ADORA2B: variants seen among roughly 807,000 people sequenced by gnomAD.
ADORA2B encodes adenosine receptor A2b.
Under a neutral mutation model 20.8 loss-of-function variants are expected in ADORA2B, and 18 were observed. That is an observed-to-expected ratio of 0.87 (90% CI 0.60 to 1.29). ADORA2B has a LOEUF of 1.29. Among genes scored for constraint, ADORA2B ranks in the 50% most tolerant of loss-of-function variants. The pLI is 0.00. For synonymous variants in ADORA2B, 179 were observed against 178.3 expected (o/e 1.00, Z -0.03); for missense variants, 441 against 422.7 (o/e 1.04, Z -0.38).
the ADORA2B span, among the ~76,000 whole-genome samples, chr17:15,887,493 A>G: frequency 1.5e-5 from 2 of 130,698 alleles, 1 homozygote; most frequent in Non-Finnish European, 3.2e-5. Flanking sequence ...CTGATTGGAA[A>G]GGTGCTATGA....
chr17:15,968,373 CCT>C (rs755609911), intron 1 of ADORA2B, among the ~76,000 whole-genome samples: 14 of 152,180 alleles, frequency 9.2e-5, no homozygotes, highest in East Asian at 1.9e-4. Context: ...CAACCAACCC[CCT>C]GTGTGTACAT....
intron 1 of ADORA2B, among the ~76,000 whole-genome samples, chr17:15,954,817 G>A (rs1006826427): frequency 1.3e-5 from 2 of 152,154 alleles, no homozygotes; most frequent in Admixed American, 6.5e-5. Flanking sequence ...ATAGATTGTG[G>A]TTCGGAAGTG....
the ADORA2B span, among the ~76,000 whole-genome samples, chr17:15,865,001 A>G: frequency 4.0e-5 from 6 of 151,226 alleles, no homozygotes; most frequent in Admixed American, 1.3e-4. Context: ...CTTTTGCTAA[A>G]TTACACTCCC....
At chr17:15,974,407 T>C (rs1402438648) in intron 1 of ADORA2B, 2 of 405,300 alleles carry the variant, frequency 4.9e-6, no homozygotes, top group Non-Finnish European at 8.9e-6. Context: ...AGTACTCCCT[T>C]AAGGCTTCCC....
rs757726498 is a variant in ADORA2B at position 15,975,328 on chromosome 17, G to A, written c.985G>A (p.Gly329Ser). The change falls in exon 2 of 2, where the codon GGT becomes AGT. Residue 329 changes from glycine to serine, a missense_variant. Transcript: ENST00000304222. ...TCAGGCTGGGGTACAGCCTGCTCTCGGTGTGGGCCTATGATCTAGGCTCTC... is the reference window on the plus strand; with the variant it reads ...TCAGGCTGGGGTACAGCCTGCTCTCAGTGTGGGCCTATGATCTAGGCTCTC... ...NGQAGVQPAL[G>S]VGL 85 of 1,611,300 alleles carry A rather than the reference G, an allele frequency of 5.3e-5. No homozygotes were observed. Among genetic ancestry groups the A allele is most frequent in the Non-Finnish European group, 6.3e-5 (74 of 1,179,676 alleles).
At chr17:15,904,497 C>T in the ADORA2B span, among the ~76,000 whole-genome samples, 1 of 150,878 alleles carries the variant, frequency 6.6e-6, no homozygotes, top group Non-Finnish European at 1.5e-5. Context: ...ATGCCATTCT[C>T]CTGCCTCAGC....
the ADORA2B span, among the ~76,000 whole-genome samples, chr17:15,879,739 A>G: frequency 6.7e-5 from 10 of 150,038 alleles, no homozygotes; most frequent in Admixed American, 1.3e-4. Context: ...GGGTTTCACC[A>G]TGTTAGCCAG....
chr17:15,964,616 A>C (rs1469063715), intron 1 of ADORA2B, among the ~76,000 whole-genome samples: 1 of 117,984 alleles, frequency 8.5e-6, no homozygotes, highest in Non-Finnish European at 1.6e-5. Context: ...ACTCTGTCTC[A>C]AAAAAAAAAA....
the ADORA2B span, among the ~76,000 whole-genome samples, chr17:15,897,963 CAAAA>C: frequency 2.0e-5 from 3 of 152,238 alleles, no homozygotes; most frequent in African/African-American, 7.2e-5. Flanking sequence ...AAAACTTACT[CAAAA>C]AGAAGTAAAA....
the ADORA2B span, among the ~76,000 whole-genome samples, chr17:15,875,529 T>A: frequency 2.6e-5 from 4 of 152,252 alleles, no homozygotes; most frequent in Non-Finnish European, 5.9e-5. Context: ...CTTTTTCTTT[T>A]ACACAACCTT....
the ADORA2B span, among the ~76,000 whole-genome samples, chr17:15,931,221 C>T: frequency 2.6e-5 from 4 of 152,174 alleles, no homozygotes; most frequent in Admixed American, 2.0e-4. Context: ...GATGTAATGT[C>T]TATGTTATTC....
chr17:15,872,139 G>T, the ADORA2B span, among the ~76,000 whole-genome samples: 1 of 152,144 alleles, frequency 6.6e-6, no homozygotes, highest in Non-Finnish European at 1.5e-5. Context: ...AATAGAGAGT[G>T]GGGTGGCTGC....
the ADORA2B span, among the ~76,000 whole-genome samples, chr17:15,855,545 GAAT>G: frequency 6.6e-6 from 1 of 151,402 alleles, no homozygotes; most frequent in Admixed American, 6.6e-5. Flanking sequence ...GGTTTTCCTT[GAAT>G]AATATCACTC....
the ADORA2B span, among the ~76,000 whole-genome samples, chr17:15,886,691 A>T: frequency 2.3e-5 from 3 of 130,800 alleles, 1 homozygote; most frequent in Non-Finnish European, 4.9e-5. Context: ...AGCAAACTTA[A>T]CAGAAAGGCA....
the ADORA2B span, among the ~76,000 whole-genome samples, chr17:15,869,776 A>G: frequency 6.6e-6 from 1 of 152,200 alleles, no homozygotes; most frequent in Non-Finnish European, 1.5e-5. Context: ...TACACACATA[A>G]AAGAGTGATA....
At chr17:15,853,758 C>A in the ADORA2B span, among the ~76,000 whole-genome samples, 5 of 152,276 alleles carry the variant, frequency 3.3e-5, no homozygotes, top group Non-Finnish European at 4.4e-5. Context: ...TATATTCATA[C>A]AGAGACTAGA....
At chr17:15,945,677 A>C in intron 1 of ADORA2B, 94 bp downstream of exon 1, 1 of 1,250,864 alleles carries the variant, frequency 8.0e-7, no homozygotes, top group Non-Finnish European at 1.1e-6. Context: ...CGGGGGCCCC[A>C]GACGGGCCAG....
chr17:15,876,674 A>T, the ADORA2B span, among the ~76,000 whole-genome samples: 1 of 151,072 alleles, frequency 6.6e-6, no homozygotes, highest in Non-Finnish European at 1.5e-5. Context: ...GGCTTCCCTA[A>T]GTTTAATCTT....
chr17:15,961,781 G>A (rs1970045175), intron 1 of ADORA2B, among the ~76,000 whole-genome samples: 1 of 152,154 alleles, frequency 6.6e-6, no homozygotes, highest in African/African-American at 2.4e-5. Context: ...AGAGAGGGCT[G>A]CACTTGCATT....
Sources: gnomAD v4.1 joint callset for allele counts (sites outside exome capture counted in the v4.1 genomes callset) on GRCh38, gnomAD v4.1.1 for gene constraint, MANE v1.5 for transcripts, NCBI Gene and HGNC (gene_info 2026-07-23, HGNC 2026-07-21) for gene names.